Variants in RNF14 observed in about 807,000 individuals in gnomAD.
The protein encoded by RNF14 is E3 ubiquitin-protein ligase RNF14.
Under a neutral mutation model 52.6 loss-of-function variants are expected in RNF14, and 26 were observed. The ratio of observed to expected loss-of-function variants is 0.49; its 90% CI spans 0.36 to 0.69. The LOEUF (loss-of-function observed/expected upper bound fraction) is 0.69. Among genes scored for constraint, RNF14 ranks in the 30% least tolerant of loss-of-function variants. RNF14 has a pLI of 0.00. For synonymous variants in RNF14, 194 were observed against 202.0 expected (o/e 0.96, Z 0.34); for missense variants, 404 against 560.4 (o/e 0.72, Z 2.82).
upstream of RNF14, among the ~76,000 whole-genome samples, chr5:141,964,124 T>C (rs538618697): frequency 2.3e-4 from 35 of 152,358 alleles, no homozygotes; most frequent in Non-Finnish European, 4.1e-4. Flanking sequence ...GAAAACATTT[T>C]ATACTGTCAG....
chr5:141,955,697 C>T (rs1289376594), upstream of RNF14: 3 of 1,614,044 alleles, frequency 1.9e-6, no homozygotes, highest in African/African-American at 1.3e-5. The surrounding 1 kb of genome is among the most constrained non-coding windows in gnomAD (Gnocchi z 5.5). Flanking sequence ...AGGCAGATCA[C>T]CGTCAGCATC....
At position 141,978,565 on chromosome 5, in the gene RNF14, A is replaced by T. The variant is rs375343745; in HGVS notation, c.569A>T (p.Asp190Val). ...ATTGTGGATGAGAGAGCAGTGCAGG[A>T]TGTGGAATCACTGTCAAATCTGATC... ...EEIVDERAVQ[D>V]VESLSNLIQE... is the part of the protein sequence containing the mutation. The change falls in exon 5 of 9, where the codon GAT (aspartate) becomes GTT (valine). Residue 190 changes from aspartate (D) to valine (V), a missense_variant. Coordinates refer to ENST00000394520, the MANE Select transcript of RNF14 (RefSeq NM_004290.5). 1 of 1,614,162 alleles carries T rather than the reference A, an allele frequency of 6.2e-7. No individual in the cohort carries two copies. Among genetic ancestry groups the T allele is most frequent in the South Asian group, 1.1e-5 (1 of 91,084 alleles).
In RNF14 at chr5:141,987,597, C is replaced by T. The variant is rs75696034; in HGVS notation, c.1368-136C>T. 253 of 811,026 alleles carry T rather than the reference C, an allele frequency of 3.1e-4. No individual in the cohort carries two copies. In the East Asian group the frequency reaches 4.7e-3, roughly 15 times the overall value. 50.2% of individuals were successfully genotyped at this position (811,026 alleles called of 1,614,324 possible). ...TCAGAGGGACCCATATTTCAGCCCT[C>T]CTCAGTGCAATGATTAAAGGAGAAG... On this transcript the variant is annotated intron_variant, in intron 8 of 8. Coordinates refer to ENST00000394520, the MANE Select transcript of RNF14 (RefSeq NM_004290.5).
intron 2 of RNF14, among the ~76,000 whole-genome samples, chr5:141,972,649 G>T (rs1199904692): frequency 6.6e-6 from 1 of 152,070 alleles, no homozygotes; most frequent in Non-Finnish European, 1.5e-5. Flanking sequence ...GGAGTGCAAT[G>T]GTGCAATCTC....
upstream of RNF14, chr5:141,956,628 G>A (rs1386801706): frequency 6.2e-7 from 1 of 1,614,190 alleles, no homozygotes; most frequent in Admixed American, 1.7e-5. Context: ...ACATGTATGT[G>A]TTGCCATTAG....
intron 1 of RNF14, chr5:141,958,977 C>T (rs1352462714): frequency 6.6e-6 from 1 of 152,304 alleles, no homozygotes; most frequent in Non-Finnish European, 1.5e-5. Context: ...CCTGCCCACA[C>T]TGACTTATGA....
chr5:141,976,429 G>A (rs549956159), intron 4 of RNF14, among the ~76,000 whole-genome samples: 34 of 152,352 alleles, frequency 2.2e-4, no homozygotes, highest in Non-Finnish European at 4.4e-5. Flanking sequence ...GGGCGGAGGT[G>A]TGTGCTGGGG....
At chr5:141,971,771 C>T (rs1430346968) in intron 2 of RNF14, among the ~76,000 whole-genome samples, 1 of 151,580 alleles carries the variant, frequency 6.6e-6, no homozygotes, top group Non-Finnish European at 1.5e-5. Flanking sequence ...GCCTCAGCCA[C>T]CGAGTAGCTG....
chr5:141,963,239 AG>A, upstream of RNF14: 1 of 152,340 alleles, frequency 6.6e-6, no homozygotes, highest in South Asian at 2.1e-4. Context: ...TGGTCCAGAA[AG>A]GGGTTGCCAG....
chr5:141,956,968 A>T (rs770604743), upstream of RNF14: 6 of 1,614,130 alleles, frequency 3.7e-6, no homozygotes, highest in Non-Finnish European at 5.1e-6. Flanking sequence ...ATCAATACTG[A>T]AGGTGTCCAG....
Position 141,973,695 on chromosome 5 carries a change from C to T in RNF14, c.107C>T (p.Thr36Ile). 1.2e-6 allele frequency: 2 copies of T among 1,612,536 alleles called. No individual in the cohort carries two copies. The highest frequency in any genetic ancestry group is 1.7e-6 in the Non-Finnish European group (2 of 1,179,456). The change falls in exon 3 of 9, where the codon ACC becomes ATC. Residue 36 changes from threonine (T) to isoleucine (I), a missense_variant. By Grantham distance (89) the Thr-to-Ile change is moderately conservative (BLOSUM62 -1). Transcript: ENST00000394520. ...GCAGAGTCTGTCCAAGGTGGAGAAA[C>T]CAGGATCTATTTGGATTTGCCACAG... The part of the protein sequence containing the change: ...RKAESVQGGE[T>I]RIYLDLPQNF...
At chr5:141,983,876 A>T (rs185792707) in intron 7 of RNF14, among the ~76,000 whole-genome samples, 79 of 152,264 alleles carry the variant, frequency 5.2e-4, no homozygotes, top group Admixed American at 2.4e-3. Flanking sequence ...ATCAAATCTG[A>T]TCTCTCAGAA....
chr5:141,955,893 C>T (rs951387602), upstream of RNF14: 14 of 1,614,036 alleles, frequency 8.7e-6, 1 homozygote, highest in South Asian at 4.4e-5. This position sits in a 1 kb window ranked among gnomAD's most constrained non-coding sequence, Gnocchi z 5.5. Context: ...ACAGCTGCCC[C>T]GTATGAGGGT....
intron 5 of RNF14, among the ~76,000 whole-genome samples, chr5:141,979,655 T>C (rs1039029852): frequency 6.6e-6 from 1 of 152,274 alleles, no homozygotes; most frequent in African/African-American, 2.4e-5. Context: ...CCCAGCACTT[T>C]GGGAGGCCAA....
upstream of RNF14, chr5:141,967,012 C>G (rs376049805): frequency 1.3e-5 from 2 of 152,192 alleles, no homozygotes; most frequent in African/African-American, 4.8e-5. Flanking sequence ...TGCATTTTTC[C>G]GAGATATGTT....
chr5:141,974,986 A>G (rs776705477), intron 4 of RNF14, 31 bp downstream of exon 4: 1 of 1,603,812 alleles, frequency 6.2e-7, no homozygotes, highest in South Asian at 1.1e-5. Flanking sequence ...TTTCCTATCC[A>G]TTTTTAGAAA....
the RNF14 span, chr5:141,952,878 A>G: frequency 6.6e-6 from 1 of 152,234 alleles, no homozygotes; most frequent in African/African-American, 2.4e-5. Flanking sequence ...TTCCTCCCTT[A>G]GGAGGTCCAC....
chr5:141,972,019 T>A (rs34675918), intron 2 of RNF14, among the ~76,000 whole-genome samples: 16,808 of 152,176 alleles, frequency 0.11, 1,131 homozygotes, highest in African/African-American at 0.18. Flanking sequence ...TTTTAAATAT[T>A]CTTGAGTCAT....
chr5:141,956,813 C>T, upstream of RNF14: 5 of 1,614,228 alleles, frequency 3.1e-6, no homozygotes, highest in Non-Finnish European at 4.2e-6. Context: ...GGGATGTTGT[C>T]ATTGACATCC....
Sources: allele counts gnomAD v4.1 joint callset (sites outside exome capture counted in the v4.1 genomes callset), GRCh38; gene constraint gnomAD v4.1.1; non-coding constraint Gnocchi (gnomAD v3.1); transcripts MANE v1.5; gene names NCBI Gene and HGNC (gene_info 2026-07-23, HGNC 2026-07-21).